NT5DC1: variants seen among roughly 807,000 people sequenced by gnomAD.
NT5DC1 encodes 5'-nucleotidase domain-containing protein 1.
In NT5DC1, 42 loss-of-function variants were observed where a neutral mutation model predicts 59.4. That is an observed-to-expected ratio of 0.71 (90% CI 0.55 to 0.92). The LOEUF (loss-of-function observed/expected upper bound fraction) is 0.92, where lower values mean the gene tolerates loss of function less well. Ranked by LOEUF, NT5DC1 falls within the 40% of genes least tolerant of loss-of-function variation. The pLI is 0.00. For missense variants in NT5DC1, 501 were observed against 537.1 expected (o/e 0.93, Z 0.66); for synonymous variants, 172 against 188.1 (o/e 0.91, Z 0.70).
At chr6:116,131,307 T>C (rs902633286) in intron 6 of NT5DC1, among the ~76,000 whole-genome samples, 1 of 152,218 alleles carries the variant, frequency 6.6e-6, no homozygotes, top group African/African-American at 2.4e-5. Context: ...TAGCCTCTGT[T>C]ACTGACCTAT....
intron 6 of NT5DC1, among the ~76,000 whole-genome samples, chr6:116,176,635 A>G (rs1010963325): frequency 2.6e-5 from 4 of 152,200 alleles, no homozygotes; most frequent in Admixed American, 6.5e-5. Context: ...TCTTGTGCCC[A>G]TAATAGAGTT....
In NT5DC1 at chr6:116,129,153, A is replaced by T. The variant is rs191930247; in HGVS notation, c.529+11208A>T. ...TTCTTTAAAACAATGTCATCATCGT[A>T]TTAAAAAATCAGCCATTTCTTAATA... On this transcript the variant is annotated intron_variant, in intron 6 of 11. Coordinates refer to ENST00000319550, the MANE Select transcript of NT5DC1 (RefSeq NM_152729.3). 3.0e-3 allele frequency among the ~76,000 whole-genome samples: 464 copies of T among 152,280 alleles called. 2 individuals are homozygous for T. Among genetic ancestry groups the T allele is most frequent in the African/African-American group, 0.01 (420 of 41,556 alleles).
At chr6:116,135,759 T>A (rs968928156) in intron 6 of NT5DC1, among the ~76,000 whole-genome samples, 21 of 149,394 alleles carry the variant, frequency 1.4e-4, no homozygotes, top group African/African-American at 3.9e-4. Flanking sequence ...GCTTAAAAAA[T>A]TTTTTTTCTG....
At chr6:116,194,158 G>A (rs977627303) in intron 6 of NT5DC1, among the ~76,000 whole-genome samples, 2 of 151,992 alleles carry the variant, frequency 1.3e-5, no homozygotes, top group African/African-American at 4.8e-5. Context: ...CAATCAGAAT[G>A]TACAAAAAAT....
chr6:116,238,906 T>A (rs1235470991), intron 10 of NT5DC1, 49 bp from the exon 11 acceptor site: 1 of 1,189,476 alleles, frequency 8.4e-7, no homozygotes, highest in Non-Finnish European at 1.2e-6. Flanking sequence ...AATTATGAGA[T>A]TGAACATTAG....
At chr6:116,240,751 G>A (rs75271436) in intron 11 of NT5DC1, among the ~76,000 whole-genome samples, 1,761 of 152,280 alleles carry the variant, frequency 0.012, 34 homozygotes, top group African/African-American at 0.04. Flanking sequence ...AGAAACAGAG[G>A]AGAGTCAAAG....
intron 6 of NT5DC1, among the ~76,000 whole-genome samples, chr6:116,198,244 A>G (rs1023080617): frequency 2.0e-5 from 3 of 152,068 alleles, no homozygotes; most frequent in African/African-American, 7.2e-5. Flanking sequence ...TCACCCATTC[A>G]TTCAAAGCCA....
chr6:116,121,780 T>C, intron 6 of NT5DC1: 1 of 1,613,376 alleles, frequency 6.2e-7, no homozygotes, highest in Non-Finnish European at 8.5e-7. Context: ...TTCCTGGGAG[T>C]CCTGGCACAC....
intron 6 of NT5DC1, among the ~76,000 whole-genome samples, chr6:116,153,312 A>G (rs150468573): frequency 1.8e-4 from 26 of 147,344 alleles, no homozygotes; most frequent in African/African-American, 5.1e-4. Flanking sequence ...GTTCTTACAC[A>G]GACTGCCCAT....
chr6:116,203,522 TCTCC>T (rs1781387946), intron 6 of NT5DC1, among the ~76,000 whole-genome samples: 1 of 151,944 alleles, frequency 6.6e-6, no homozygotes, highest in Non-Finnish European at 1.5e-5. Flanking sequence ...TCCTATAATG[TCTCC>T]CTGTTACTGA....
At chr6:116,101,094 G>C (rs1778637157) in intron 1 of NT5DC1, 71 bp downstream of exon 1, 4 of 1,188,482 alleles carry the variant, frequency 3.4e-6, no homozygotes, top group Non-Finnish European at 3.6e-6. Context: ...TTTCCTCCAG[G>C]TTTGGGCAAC....
chr6:116,199,018 TGCATTATATAATGTTTAGCAAG>T (rs1781290349), intron 6 of NT5DC1, among the ~76,000 whole-genome samples: 1 of 152,038 alleles, frequency 6.6e-6, no homozygotes, highest in Non-Finnish European at 1.5e-5. Flanking sequence ...AGCTGTTCTG[TGCATTATATAATGTTTAGCAAG>T]ATCACTGGCC....
intron 6 of NT5DC1, among the ~76,000 whole-genome samples, chr6:116,127,094 A>G (rs191666273): frequency 2.9e-4 from 44 of 152,306 alleles, no homozygotes; most frequent in African/African-American, 1.0e-3. Context: ...CAAATTGACT[A>G]TGCAGGTGAA....
At chr6:116,101,142 G>A (rs910696618) in intron 1 of NT5DC1, 119 bp downstream of exon 1, 3 of 682,822 alleles carry the variant, frequency 4.4e-6, no homozygotes, top group Non-Finnish European at 7.0e-6. Context: ...GCCGAGTCTT[G>A]CCGCAGAGCG....
chr6:116,204,463 A>C (rs1781408386), intron 6 of NT5DC1, among the ~76,000 whole-genome samples: 1 of 151,978 alleles, frequency 6.6e-6, no homozygotes, highest in South Asian at 2.1e-4. Flanking sequence ...AAGATCTGAC[A>C]GTATGACCTG....
In NT5DC1 at chr6:116,146,611, ATACT is replaced by A. The variant is rs1349596215; in HGVS notation, c.529+28672_529+28675del. On this transcript the variant is annotated intron_variant, in intron 6 of 11. Transcript: ENST00000319550. ...TTAAATAGGAATAAATCTAGGGAAA[ATACT>A]TACTTTATCTGTATCTTACAGTTTC... 4.6e-5 allele frequency among the ~76,000 whole-genome samples: 7 copies of A among 152,220 alleles called. No individual in the cohort carries two copies. The East Asian group carries it at 1.2e-3, about 25-fold the overall frequency.
rs768459239 is a variant in NT5DC1 at position 116,120,595 on chromosome 6, T to C, written c.529+2650T>C. On this transcript the variant is annotated intron_variant, in intron 6 of 11. Transcript: ENST00000319550. ...GTGGGCCTGGAGGCCCAGGGGGCCC[T>C]GGAAGACCAGGCTCTCCAGAGTGGC... is the stretch of plus-strand genomic sequence containing the variant. 41 of 1,585,192 alleles carry C rather than the reference T, an allele frequency of 2.6e-5. No homozygotes were observed. Among genetic ancestry groups the C allele is most frequent in the Non-Finnish European group, 3.4e-5 (40 of 1,169,112 alleles).
intron 8 of NT5DC1, among the ~76,000 whole-genome samples, chr6:116,224,051 T>C (rs537683608): frequency 1.3e-5 from 2 of 152,328 alleles, no homozygotes; most frequent in Admixed American, 1.3e-4. Context: ...ATTTTACTTT[T>C]GATTCATATG....
At position 116,110,961 on chromosome 6, in the gene NT5DC1, G is replaced by C. The variant is rs1448530953; in HGVS notation, c.364+5G>C. The C allele has an allele frequency of 2.5e-6, 4 of 1,588,674 alleles. No individual in the cohort carries two copies. The highest frequency in any genetic ancestry group is 2.6e-6 in the Non-Finnish European group (3 of 1,157,084). ...CTGGAATGGCTTGCCGCTCAGGTAT[G>C]ACTCAAATGAGGCAGCTCCACCATC... is the stretch of plus-strand genomic sequence containing the variant. On this transcript the variant is annotated splice_donor_5th_base_variant and intron_variant, in intron 4 of 11. Coordinates refer to ENST00000319550, the MANE Select transcript of NT5DC1 (RefSeq NM_152729.3).
Sources: allele counts gnomAD v4.1 joint callset (sites outside exome capture counted in the v4.1 genomes callset), GRCh38; gene constraint gnomAD v4.1.1; transcripts MANE v1.5; gene names NCBI Gene and HGNC (gene_info 2026-07-23, HGNC 2026-07-21).